The following RSRC1 variants were observed in gnomAD, a reference collection of about 807,000 sequenced individuals.
RSRC1 encodes the protein arginine and serine rich coiled-coil 1.
RSRC1 carries 39 observed loss-of-function variants against 49.1 expected under a neutral mutation model. That is an observed-to-expected ratio of 0.79 (90% CI 0.61 to 1.04). RSRC1 has a LOEUF of 1.04. Among genes scored for constraint, RSRC1 ranks in the 50% least tolerant of loss-of-function variants. The pLI is 0.00. For synonymous variants in RSRC1, 143 were observed against 130.8 expected (o/e 1.09, Z -0.63); for missense variants, 388 against 402.4 (o/e 0.96, Z 0.31).
At chr3:158,238,047 A>G (rs1723340671) in intron 4 of RSRC1, among the ~76,000 whole-genome samples, 1 of 152,222 alleles carries the variant, frequency 6.6e-6, no homozygotes, top group African/African-American at 2.4e-5. Flanking sequence ...ATGTGCAAAA[A>G]TCACAAGCAT....
rs1289609856 is a variant in RSRC1, at chr3:158,274,834, A to G, written c.495-23205A>G. Among the ~76,000 whole-genome samples, 7 of 152,154 alleles carry G rather than the reference A, an allele frequency of 4.6e-5. No homozygotes were observed. The South Asian group carries it at 6.2e-4, about 14-fold the overall frequency. On this transcript the variant is annotated intron_variant, in intron 4 of 9. Transcript: ENST00000611884. Reference sequence around the variant, plus strand: ...GGAACAAGAGAAATAACTGCAGAAAACACATATGGTTGGAAACCATGCACT... The same window carrying G: ...GGAACAAGAGAAATAACTGCAGAAAGCACATATGGTTGGAAACCATGCACT...
intron 4 of RSRC1, among the ~76,000 whole-genome samples, chr3:158,282,344 C>T (rs927193833): frequency 6.6e-6 from 1 of 152,160 alleles, no homozygotes; most frequent in African/African-American, 2.4e-5. Flanking sequence ...TTTTGTGTGG[C>T]ATGACTTAAA....
chr3:158,441,595 TATTCTC>T (rs918303284), intron 6 of RSRC1, among the ~76,000 whole-genome samples: 1 of 152,122 alleles, frequency 6.6e-6, no homozygotes, highest in African/African-American at 2.4e-5. Flanking sequence ...TCTCTTCTGT[TATTCTC>T]AAGTAATACT....
At chr3:158,241,631 C>T (rs530757976) in intron 4 of RSRC1, among the ~76,000 whole-genome samples, 7 of 151,794 alleles carry the variant, frequency 4.6e-5, no homozygotes, top group Non-Finnish European at 1.0e-4. Context: ...ATAAGCAAAG[C>T]AGTTATGTAA....
intron 4 of RSRC1, among the ~76,000 whole-genome samples, chr3:158,219,687 G>A (rs1304191605): frequency 6.6e-6 from 1 of 151,594 alleles, no homozygotes; most frequent in Non-Finnish European, 1.5e-5. Context: ...TGGATTGAAG[G>A]CTGAGAGAGA....
chr3:158,537,014 T>C (rs1712748320), intron 7 of RSRC1, 78 bp from the exon 8 acceptor site: 1 of 851,154 alleles, frequency 1.2e-6, no homozygotes, highest in Admixed American at 2.3e-5. Context: ...AATTTCTTCA[T>C]AGAAAGAACA....
At chr3:158,467,768 A>G (rs1213465701) in intron 7 of RSRC1, among the ~76,000 whole-genome samples, 1 of 152,182 alleles carries the variant, frequency 6.6e-6, no homozygotes, top group African/African-American at 2.4e-5. Flanking sequence ...TTCTGTTTTC[A>G]CTAGATTGAC....
In RSRC1 at chr3:158,194,956, A is replaced by G. The variant is rs566055210; in HGVS notation, c.321-8116A>G. On this transcript the variant is annotated intron_variant, in intron 3 of 9. Transcript: ENST00000611884. ...TATTGTGCATAGTGCCACAATAAAC[A>G]TACATGTGCATGTGTCTTTATAGCA... Among the ~76,000 whole-genome samples, 87 of 152,260 alleles carry G rather than the reference A, an allele frequency of 5.7e-4. 1 individual carries two copies. The highest frequency in any genetic ancestry group is 1.4e-3 in the Admixed American group (22 of 15,282).
In RSRC1 at chr3:158,398,871, G is replaced by A. The variant is rs557777778; in HGVS notation, c.583+43963G>A. ...CATTTGTGAATGTCTTGACAGAGAA[G>A]GAGTCTGTGGTATATTGTTGGTTGA... On this transcript the variant is annotated intron_variant, in intron 6 of 9. Coordinates refer to ENST00000611884, the MANE Select transcript of RSRC1 (RefSeq NM_001271838.2). Among the ~76,000 whole-genome samples, 6 of 152,204 alleles carry A rather than the reference G, an allele frequency of 3.9e-5. No individual in the cohort carries two copies. In the East Asian group the frequency reaches 1.2e-3, roughly 29 times the overall value.
At chr3:158,244,109 C>A (rs114716003) in intron 4 of RSRC1, among the ~76,000 whole-genome samples, 2,594 of 152,054 alleles carry the variant, frequency 0.017, 92 homozygotes, top group African/African-American at 0.06. Flanking sequence ...ATTTGAATGT[C>A]CTGTATTTCT....
intron 6 of RSRC1, among the ~76,000 whole-genome samples, chr3:158,395,270 G>A (rs1355473741): frequency 6.6e-6 from 1 of 151,934 alleles, no homozygotes; most frequent in African/African-American, 2.4e-5. Flanking sequence ...CATAGGAATG[G>A]GCAAAGATTT....
intron 4 of RSRC1, among the ~76,000 whole-genome samples, chr3:158,258,208 C>CTTTTTTT (rs71144451): frequency 1.4e-4 from 9 of 65,776 alleles, no homozygotes; most frequent in South Asian, 8.0e-4. Flanking sequence ...TCCTTTTAAC[C>CTTTTTTT]TTTTTTTTTT....
At chr3:158,180,086 G>T (rs192157829) in intron 3 of RSRC1, among the ~76,000 whole-genome samples, 74 of 151,802 alleles carry the variant, frequency 4.9e-4, no homozygotes, top group East Asian at 2.3e-3. Flanking sequence ...TAGTTTTTTT[G>T]TTGTTGTTGT....
intron 7 of RSRC1, among the ~76,000 whole-genome samples, chr3:158,509,976 C>T (rs1393277257): frequency 6.6e-6 from 1 of 152,168 alleles, no homozygotes; most frequent in Non-Finnish European, 1.5e-5. Flanking sequence ...GTATAAAGTA[C>T]ACACATCTTC....
At chr3:158,486,049 C>A (rs1224796148) in intron 7 of RSRC1, among the ~76,000 whole-genome samples, 1 of 152,126 alleles carries the variant, frequency 6.6e-6, no homozygotes, top group African/African-American at 2.4e-5. Context: ...TACAGATTAT[C>A]ATTTCTCTAA....
intron 7 of RSRC1, among the ~76,000 whole-genome samples, chr3:158,481,949 A>G (rs1448628673): frequency 6.6e-6 from 1 of 152,010 alleles, no homozygotes; most frequent in South Asian, 2.1e-4. Flanking sequence ...GATTTGTGTA[A>G]TAATTAGAAA....
intron 6 of RSRC1, among the ~76,000 whole-genome samples, chr3:158,436,801 G>A (rs1267250230): frequency 6.6e-6 from 1 of 151,824 alleles, no homozygotes; most frequent in Non-Finnish European, 1.5e-5. Flanking sequence ...ACTATTGTGA[G>A]TGGTTGGCAT....
intron 3 of RSRC1, among the ~76,000 whole-genome samples, chr3:158,146,687 T>C (rs1005940517): frequency 1.4e-4 from 21 of 152,318 alleles, no homozygotes; most frequent in African/African-American, 5.1e-4. Context: ...TTGATTGGAA[T>C]AGTTTCAGAA....
At chr3:158,499,203 C>T (rs1739482438) in intron 7 of RSRC1, among the ~76,000 whole-genome samples, 1 of 152,034 alleles carries the variant, frequency 6.6e-6, no homozygotes, top group African/African-American at 2.4e-5. Flanking sequence ...TAGTGAAATC[C>T]TGTCTCTACT....
Sources: allele counts gnomAD v4.1 joint callset (sites outside exome capture counted in the v4.1 genomes callset), GRCh38; gene constraint gnomAD v4.1.1; transcripts MANE v1.5; gene names NCBI Gene and HGNC (gene_info 2026-07-23, HGNC 2026-07-21).